The following FOXJ3 variants were observed in gnomAD, a reference collection of about 807,000 sequenced individuals.
FOXJ3 encodes forkhead box protein J3.
Under a neutral mutation model 76.1 loss-of-function variants are expected in FOXJ3, and 22 were observed. The ratio of observed to expected loss-of-function variants is 0.29; its 90% CI spans 0.21 to 0.41. The LOEUF is 0.41. Among genes scored for constraint, FOXJ3 ranks in the 10% least tolerant of loss-of-function variants. FOXJ3 has a pLI of 1.00. For synonymous variants in FOXJ3, 269 were observed against 261.2 expected, an observed-to-expected ratio of 1.03 and a Z score of -0.29; for missense variants, 613 against 762.1, an observed-to-expected ratio of 0.80 and a Z score of 2.30.
intron 7 of FOXJ3, among the ~76,000 whole-genome samples, chr1:42,195,815 C>T (rs1646640007): frequency 6.6e-6 from 1 of 152,242 alleles, no homozygotes; most frequent in African/African-American, 2.4e-5. Context: ...AATGGCTCCG[C>T]CACTGGCACC....
intron 2 of FOXJ3, among the ~76,000 whole-genome samples, chr1:42,306,470 T>C (rs1339823424): frequency 1.3e-5 from 2 of 151,930 alleles, no homozygotes; most frequent in Non-Finnish European, 1.5e-5. Flanking sequence ...ACCTGGCTAA[T>C]TTTTTATATT....
At chr1:42,234,141 C>T (rs1311207620) in intron 4 of FOXJ3, among the ~76,000 whole-genome samples, 1 of 152,140 alleles carries the variant, frequency 6.6e-6, no homozygotes. Context: ...CACTTCATTT[C>T]ATTCATTTGA....
intron 6 of FOXJ3, among the ~76,000 whole-genome samples, chr1:42,200,005 C>CAAAAAAAAAAAA (rs11355641): frequency 2.6e-5 from 2 of 76,072 alleles, no homozygotes; most frequent in Non-Finnish European, 2.3e-5. Flanking sequence ...GACTCTGTCT[C>CAAAAAAAAAAAA]AAAAAAAAAA....
chr1:42,266,393 C>T (rs1436882544), intron 3 of FOXJ3, among the ~76,000 whole-genome samples: 2 of 152,074 alleles, frequency 1.3e-5, no homozygotes, highest in Non-Finnish European at 2.9e-5. Context: ...TATTTTTAAG[C>T]CACATCAGAG....
chr1:42,237,939 C>CACACACAT lies in FOXJ3; in HGVS notation c.445-9974_445-9973insATGTGTGT, dbSNP rs780877193. Among the ~76,000 whole-genome samples the CACACACAT allele has an allele frequency of 3.6e-5, 5 of 138,942 alleles. No homozygotes were observed. The Admixed American group carries it at 3.6e-4, about 10-fold the overall frequency. The allele number at this position is 138,942 out of a possible 152,430, so 91.2% of individuals were successfully genotyped here. ...ACACACACACACACACACACACACACATATATATAGACACACACACATATA... is the reference window on the plus strand; with the variant it reads ...ACACACACACACACACACACACACACACACACATATATATATAGACACACACACATATA... On this transcript the variant is annotated intron_variant, in intron 4 of 12. Transcript: ENST00000361346.
At chr1:42,316,495 CT>C (rs1655120337) in intron 1 of FOXJ3, among the ~76,000 whole-genome samples, 1 of 151,890 alleles carries the variant, frequency 6.6e-6, no homozygotes, top group Admixed American at 6.6e-5. Flanking sequence ...GCTCTCTCCC[CT>C]CTCCCACCTA....
At chr1:42,180,524 C>T (rs1160326822) in intron 12 of FOXJ3, among the ~76,000 whole-genome samples, 1 of 152,052 alleles carries the variant, frequency 6.6e-6, no homozygotes, top group African/African-American at 2.4e-5. Context: ...TTGTAGAATT[C>T]TTTCTTTTAT....
intron 2 of FOXJ3, among the ~76,000 whole-genome samples, chr1:42,292,300 A>G: frequency 6.6e-6 from 1 of 152,236 alleles, no homozygotes; most frequent in South Asian, 2.1e-4. Flanking sequence ...TGGGAGTTTA[A>G]AAAGGCATAA....
intron 3 of FOXJ3, among the ~76,000 whole-genome samples, chr1:42,268,529 A>T (rs532153774): frequency 6.6e-6 from 1 of 152,124 alleles, no homozygotes; most frequent in South Asian, 2.1e-4. Context: ...TTAATGCTTT[A>T]AAAAAAACTG....
At chr1:42,334,809 T>A (rs1463475301) in intron 1 of FOXJ3, 1 of 151,978 alleles carries the variant, frequency 6.6e-6, no homozygotes, top group Non-Finnish European at 1.5e-5. Context: ...AGCCGCTGCT[T>A]CCCAGCTGAG....
At position 42,241,648 on chromosome 1, in the gene FOXJ3, C is replaced by T. The variant is rs1649152528; in HGVS notation, c.445-13682G>A. ...TGAGGTCTGGGGAATGGCCCTCCCA[C>T]ACATCACAGCCACTGATAACATCAA... is the stretch of plus-strand genomic sequence containing the variant. On this transcript the variant is annotated intron_variant, in intron 4 of 12. Coordinates refer to ENST00000361346, the MANE Select transcript of FOXJ3 (RefSeq NM_014947.5). 3.3e-5 allele frequency among the ~76,000 whole-genome samples: 5 copies of T among 152,334 alleles called. 1 individual carries two copies. The highest frequency in any genetic ancestry group is 3.3e-4 in the Admixed American group (5 of 15,306).
Position 42,215,218 on chromosome 1 carries a change from T to C in FOXJ3, c.529-9355A>G, listed in dbSNP as rs114289139. 4.1e-3 allele frequency among the ~76,000 whole-genome samples: 631 copies of C among 152,176 alleles called. 3 individuals carry two copies. The highest frequency in any genetic ancestry group is 0.014 in the African/African-American group (588 of 41,530). ...GACAAGGATTTTAAAACAGCTATTA[T>C]AATTATTTATGCTCAATGAAATAAA... is the stretch of plus-strand genomic sequence containing the variant. On this transcript the variant is annotated intron_variant, in intron 5 of 12. Transcript: ENST00000361346.
chr1:42,286,159 TTTG>T (rs1301485968), intron 2 of FOXJ3, among the ~76,000 whole-genome samples: 2 of 152,214 alleles, frequency 1.3e-5, no homozygotes, highest in African/African-American at 4.8e-5. Context: ...GACTTTATAT[TTTG>T]TTATCATGTA....
chr1:42,257,658 G>A (rs1297539877), intron 4 of FOXJ3, among the ~76,000 whole-genome samples: 3 of 151,776 alleles, frequency 2.0e-5, no homozygotes, highest in African/African-American at 7.3e-5. Flanking sequence ...AGAATCATTT[G>A]AGCCTGGGAG....
chr1:42,281,967 G>A (rs913597917), intron 2 of FOXJ3, among the ~76,000 whole-genome samples: 1 of 151,936 alleles, frequency 6.6e-6, no homozygotes, highest in Admixed American at 6.6e-5. Context: ...GCTGAGGCAG[G>A]AGAATCACTT....
At chr1:42,247,268 G>C (rs975826525) in intron 4 of FOXJ3, among the ~76,000 whole-genome samples, 1 of 151,952 alleles carries the variant, frequency 6.6e-6, no homozygotes, top group Admixed American at 6.6e-5. Context: ...CAAAATACAA[G>C]TACCCCATAA....
At chr1:42,314,453 G>A (rs929010494) in intron 1 of FOXJ3, among the ~76,000 whole-genome samples, 2 of 152,174 alleles carry the variant, frequency 1.3e-5, no homozygotes, top group African/African-American at 4.8e-5. Flanking sequence ...TCACCATGTT[G>A]GTCAGGCTGG....
At chr1:42,203,514 C>T (rs1646801786) in intron 6 of FOXJ3, among the ~76,000 whole-genome samples, 1 of 152,138 alleles carries the variant, frequency 6.6e-6, no homozygotes, top group African/African-American at 2.4e-5. Context: ...AAATTTTTCT[C>T]AGATATCAAG....
chr1:42,266,161 AG>A (rs986147651), intron 3 of FOXJ3, among the ~76,000 whole-genome samples: 3 of 152,166 alleles, frequency 2.0e-5, no homozygotes, highest in African/African-American at 4.8e-5. Flanking sequence ...AAAATTCAGT[AG>A]TCTAACAAGA....
Sources: allele counts gnomAD v4.1 joint callset (sites outside exome capture counted in the v4.1 genomes callset), GRCh38; gene constraint gnomAD v4.1.1; transcripts MANE v1.5; gene names NCBI Gene and HGNC (gene_info 2026-07-23, HGNC 2026-07-21).